SLC2A8: variants seen among roughly 807,000 people sequenced by gnomAD.
The protein encoded by SLC2A8 is solute carrier family 2, facilitated glucose transporter member 8.
Under a neutral mutation model 49.2 loss-of-function variants are expected in SLC2A8, and 53 were observed. The observed-to-expected ratio is 1.08, with a 90% confidence interval of 0.86 to 1.35. The LOEUF (loss-of-function observed/expected upper bound fraction) is 1.35, where lower values mean the gene tolerates loss of function less well. Among genes scored for constraint, SLC2A8 ranks in the 40% most tolerant of loss-of-function variants. SLC2A8 has a pLI of 0.00. For synonymous variants in SLC2A8, 299 were observed against 297.0 expected (o/e 1.01, Z -0.07); for missense variants, 688 against 671.7 (o/e 1.02, Z -0.27).
At chr9:127,403,335 C>CT in intron 5 of SLC2A8, 1 of 393,544 alleles carries the variant, frequency 2.5e-6, no homozygotes, top group South Asian at 3.2e-5. Flanking sequence ...AGGTGCTTAG[C>CT]TAGGGCCAGG....
At chr9:127,398,333 A>T (rs751018161) in intron 3 of SLC2A8, 1 of 779,338 alleles carries the variant, frequency 1.3e-6, no homozygotes, top group South Asian at 1.4e-5. Context: ...AGTCTCGGAA[A>T]GGTGAAGTCC....
rs774000617 is a variant in SLC2A8, at chr9:127,406,072, C to T, written c.1296+507C>T. The T allele has an allele frequency of 5.8e-6, 3 of 518,760 alleles. No individual in the cohort carries two copies. The Admixed American group carries it at 5.8e-5, about 10-fold the overall frequency. 32.1% of individuals were successfully genotyped at this position (518,760 alleles called of 1,614,324 possible). On this transcript the variant is annotated intron_variant, in intron 9 of 9. Transcript: ENST00000373371. ...CGGATGGACTGGCACAGGTGTGGCC[C>T]CTGTCCCGGGGCTTCCCAGCCAACA... is the stretch of plus-strand genomic sequence containing the variant.
chr9:127,407,348 G>A lies in SLC2A8; in HGVS notation c.*99G>A. ...AGGGGAGCCAGAATCCAGCCCCTTGGAGCCTTGGTCTGCAGGGTCCCTCCT... is the reference window on the plus strand; with the variant it reads ...AGGGGAGCCAGAATCCAGCCCCTTGAAGCCTTGGTCTGCAGGGTCCCTCCT... On this transcript the variant is annotated 3_prime_UTR_variant, in exon 10 of 10. Coordinates refer to ENST00000373371, the MANE Select transcript of SLC2A8 (RefSeq NM_014580.5). 6.7e-7 allele frequency: 1 copy of A among 1,491,624 alleles called. No homozygotes were observed. The highest frequency in any genetic ancestry group is 9.3e-7 in the Non-Finnish European group (1 of 1,072,950). The allele number at this position is 1,491,624 out of a possible 1,614,324, so 92.4% of individuals were successfully genotyped here.
chr9:127,406,718 A>G (rs1428802219), intron 9 of SLC2A8, among the ~76,000 whole-genome samples: 2 of 92,168 alleles, frequency 2.2e-5, no homozygotes, highest in African/African-American at 7.4e-5. Flanking sequence ...TTTCCACCAC[A>G]CTATGAAAGA....
At position 127,398,064 on chromosome 9, in the gene SLC2A8, C is replaced by CCAGGACGTGTGGAT. The variant is rs1564213176; in HGVS notation, c.379_380insCAGGACGTGTGGAT (p.Arg127ProfsTer18). Reference sequence around the variant, plus strand: ...GGACGTGTGGATGCTGCTGGGGGGCCGCCTCCTCACCGGCCTGGCCTGCGG... The same window carrying CCAGGACGTGTGGAT: ...GGACGTGTGGATGCTGCTGGGGGGCCCAGGACGTGTGGATGCCTCCTCACCGGCCTGGCCTGCGG... On this transcript the variant is annotated frameshift_variant, in exon 3 of 10. Transcript: ENST00000373371. LOFTEE classifies it high-confidence loss of function. 2 of 1,588,986 alleles carry CCAGGACGTGTGGAT rather than the reference C, an allele frequency of 1.3e-6. No homozygotes were observed. Among genetic ancestry groups the CCAGGACGTGTGGAT allele is most frequent in the East Asian group, 2.3e-5 (1 of 44,018 alleles).
chr9:127,398,446 A>G, intron 3 of SLC2A8: 1 of 634,006 alleles, frequency 1.6e-6, no homozygotes, highest in African/African-American at 1.8e-5. Context: ...AAACCTGCGG[A>G]TGATCCACAG....
chr9:127,403,735 C>T lies in SLC2A8; in HGVS notation c.799C>T (p.Gln267Ter), dbSNP rs1462302513. ...FIIGVSLMAF[Q>*]QLSGVNAVMF... ...CATCGGCGTCTCCCTGATGGCCTTC[C>T]AGCAGCTGTCGGGGGTCAACGCCGT... Residue 267 changes from glutamine (Q) to a stop codon, truncating the protein, a stop_gained, in exon 6 of 10, where the codon CAG (glutamine) becomes TAG (stop). Transcript: ENST00000373371. LOFTEE classifies it high-confidence loss of function. The T allele has an allele frequency of 5.0e-6, 8 of 1,613,136 alleles. No homozygotes were observed. In the Admixed American group the frequency reaches 5.0e-5, roughly 10 times the overall value.
Position 127,403,955 on chromosome 9 carries a change from C to G in SLC2A8, c.868-4C>G. Reference sequence around the variant, plus strand: ...CTGACCTGCCTGGGCTCTGTCTCCCCCAGGACAGCAGCCTGGCCTCGGTCG... The same window carrying G: ...CTGACCTGCCTGGGCTCTGTCTCCCGCAGGACAGCAGCCTGGCCTCGGTCG... On this transcript the variant is annotated splice_region_variant and splice_polypyrimidine_tract_variant and intron_variant, in intron 6 of 9. Coordinates refer to ENST00000373371, the MANE Select transcript of SLC2A8 (RefSeq NM_014580.5). The G allele has an allele frequency of 2.5e-6, 4 of 1,611,226 alleles. No homozygotes were observed. The highest frequency in any genetic ancestry group is 3.4e-6 in the Non-Finnish European group (4 of 1,178,616).
rs761755191 is a variant in SLC2A8 at position 127,404,849 on chromosome 9, C to T, written c.1008C>T (p.Phe336=). ...TCATGGTGTTCAGCACGAGTGCCTT[C>T]GGCGCCTACTTCAAGCTGACCCAGG... ...GVVMVFSTSA[F]GAYFKLTQGG... Residue 336 remains phenylalanine (F), a synonymous_variant, in exon 8 of 10, where the codon TTC becomes TTT. Transcript: ENST00000373371. 1.2e-5 allele frequency: 19 copies of T among 1,612,554 alleles called. No individual in the cohort carries two copies. The highest frequency in any genetic ancestry group is 8.0e-5 in the African/African-American group (6 of 75,056).
chr9:127,405,647 C>T, intron 9 of SLC2A8, 82 bp downstream of exon 9: 1 of 1,550,238 alleles, frequency 6.5e-7, no homozygotes, highest in Non-Finnish European at 8.7e-7. Flanking sequence ...GCAGAAGACC[C>T]AGGGTCGTGG....
chr9:127,397,899 C>T lies in SLC2A8; in HGVS notation c.220-6C>T, dbSNP rs923176344. On this transcript the variant is annotated splice_region_variant and splice_polypyrimidine_tract_variant and intron_variant, in intron 2 of 9. Transcript: ENST00000373371. The stretch of plus-strand genomic sequence containing the variant: ...CGCCCCCTCCTCAGCAGCCGCCCGC[C>T]TCCAGGCTGTCGTGACCCTGGGTGC... 3.3e-6 allele frequency: 5 copies of T among 1,507,256 alleles called. No individual in the cohort carries two copies. The highest frequency in any genetic ancestry group is 4.4e-6 in the Non-Finnish European group (5 of 1,135,056). The allele number at this position is 1,507,256 out of a possible 1,614,324, so 93.4% of individuals were successfully genotyped here.
chr9:127,403,956 C>A lies in SLC2A8; in HGVS notation c.868-3C>A, dbSNP rs767333724. 5 of 1,610,976 alleles carry A rather than the reference C, an allele frequency of 3.1e-6. No individual in the cohort carries two copies. The highest frequency in any genetic ancestry group is 2.2e-5 in the East Asian group (1 of 44,764). The stretch of plus-strand genomic sequence containing the variant: ...TGACCTGCCTGGGCTCTGTCTCCCC[C>A]AGGACAGCAGCCTGGCCTCGGTCGT... On this transcript the variant is annotated splice_region_variant and splice_polypyrimidine_tract_variant and intron_variant, in intron 6 of 9. Coordinates refer to ENST00000373371, the MANE Select transcript of SLC2A8 (RefSeq NM_014580.5).
Position 127,399,943 on chromosome 9 carries a change from G to C in SLC2A8, c.463G>C (p.Gly155Arg). 1 of 1,613,844 alleles carries C rather than the reference G, an allele frequency of 6.2e-7. No individual in the cohort carries two copies. The change falls in exon 4 of 10, where the codon GGG becomes CGG. Residue 155 changes from glycine (G) to arginine (R), a missense_variant. Gly to Arg is a moderately radical substitution (Grantham distance 125). Coordinates refer to ENST00000373371, the MANE Select transcript of SLC2A8 (RefSeq NM_014580.5). This position sits in a 1 kb window ranked among gnomAD's most constrained non-coding sequence, Gnocchi z 4.2. Reference sequence around the variant, plus strand: ...CGAAATCGCCTACCCAGCAGTCCGGGGGTTGCTCGGCTCCTGTGTGCAGCT... The same window carrying C: ...CGAAATCGCCTACCCAGCAGTCCGGCGGTTGCTCGGCTCCTGTGTGCAGCT... Reference protein sequence around the residue: ...ISEIAYPAVRGLLGSCVQLMV... With the variant: ...ISEIAYPAVRRLLGSCVQLMV...
chr9:127,407,529 A>G lies in SLC2A8; in HGVS notation c.*280A>G, dbSNP rs1833533951. 17 of 547,148 alleles carry G rather than the reference A, an allele frequency of 3.1e-5. No individual in the cohort carries two copies. The East Asian group carries it at 7.4e-4, about 24-fold the overall frequency. 33.9% of individuals were successfully genotyped at this position (547,148 alleles called of 1,614,324 possible). A position where few individuals can be genotyped will look rare whatever the true frequency, so the allele number is the denominator to read the frequency against. ...CGCAAGACTAAAGCAGCGGAAGAGG[A>G]GGTGGGCCTCTAGGATCTTTGTCTT... On this transcript the variant is annotated 3_prime_UTR_variant, in exon 10 of 10. Transcript: ENST00000373371.
At chr9:127,405,059 C>T (rs41302651) in intron 8 of SLC2A8, 68 bp downstream of exon 8, 547,949 of 1,518,764 alleles carry the variant, frequency 0.36, 102,110 homozygotes, top group Middle Eastern at 0.46. Context: ...TGTGGCGGCT[C>T]CCGGCAGGTG....
chr9:127,406,695 CCT>C (rs1291360653), intron 9 of SLC2A8, among the ~76,000 whole-genome samples: 1 of 152,202 alleles, frequency 6.6e-6, no homozygotes, highest in Non-Finnish European at 1.5e-5. Flanking sequence ...CTCGCTTTGC[CCT>C]GTCTCACCCA....
chr9:127,403,456 G>T, intron 5 of SLC2A8: 2 of 612,494 alleles, frequency 3.3e-6, no homozygotes, highest in Admixed American at 2.9e-5. Context: ...ATCAGGAAGT[G>T]CCCTGGGCAG....
chr9:127,405,531 C>G lies in SLC2A8; in HGVS notation c.1262C>G (p.Ala421Gly), dbSNP rs1589012857. The G allele has an allele frequency of 6.2e-7, 1 of 1,613,260 alleles. No homozygotes were observed. Among genetic ancestry groups the G allele is most frequent in the East Asian group, 2.2e-5 (1 of 44,886 alleles). The change falls in exon 9 of 10, where the codon GCC becomes GGC. Residue 421 changes from alanine to glycine, a missense_variant. Transcript: ENST00000373371. The part of the protein sequence containing the change: ...GICVLTNWLM[A>G]FLVTKEFSSL... ...TGCGTCCTCACCAACTGGCTCATGG[C>G]CTTTCTCGTGACCAAGGAGTTCAGC...
intron 3 of SLC2A8, among the ~76,000 whole-genome samples, chr9:127,398,955 C>G (rs773150262): frequency 6.6e-6 from 1 of 152,232 alleles, no homozygotes; most frequent in African/African-American, 2.4e-5. Context: ...GTTTGCTAAC[C>G]GGCAGCAGCA....
Sources: allele counts gnomAD v4.1 joint callset (sites outside exome capture counted in the v4.1 genomes callset), GRCh38; gene constraint gnomAD v4.1.1; non-coding constraint Gnocchi (gnomAD v3.1); transcripts MANE v1.5; gene names NCBI Gene and HGNC (gene_info 2026-07-23, HGNC 2026-07-21).